The following ALDH1A3 variants were observed in gnomAD, a reference collection of about 807,000 sequenced individuals.
ALDH1A3 encodes the protein aldehyde dehydrogenase 1 family member A3.
In ALDH1A3, 28 loss-of-function variants were observed where a neutral mutation model predicts 57.5. The ratio of observed to expected loss-of-function variants is 0.49; its 90% CI spans 0.36 to 0.67. The LOEUF (loss-of-function observed/expected upper bound fraction) is 0.67. Ranked by LOEUF, ALDH1A3 falls within the 30% of genes least tolerant of loss-of-function variation. The pLI is 0.00. For synonymous variants in ALDH1A3, 281 were observed against 264.8 expected (o/e 1.06, Z -0.59); for missense variants, 507 against 669.4 (o/e 0.76, Z 2.68).
chr15:100,914,865 C>T lies in ALDH1A3; in HGVS notation c.*92C>T, dbSNP rs557115450. 466 of 1,182,646 alleles carry T rather than the reference C, an allele frequency of 3.9e-4. 2 individuals carry two copies. The African/African-American group carries it at 6.0e-3, about 15-fold the overall frequency. 73.3% of individuals were successfully genotyped at this position (1,182,646 alleles called of 1,614,324 possible). A position where few individuals can be genotyped will look rare whatever the true frequency, so the allele number is the denominator to read the frequency against. ...AAAAAAATGACATTTCTGACCTTCC[C>T]GGGACACATTCTTCTGGAGGCTTTA... On this transcript the variant is annotated 3_prime_UTR_variant, in exon 13 of 13. Coordinates refer to ENST00000329841, the MANE Select transcript of ALDH1A3 (RefSeq NM_000693.4).
chr15:100,900,892 CT>C, intron 9 of ALDH1A3, 133 bp downstream of exon 9: 1 of 985,926 alleles, frequency 1.0e-6, no homozygotes, highest in Non-Finnish European at 1.5e-6. Flanking sequence ...GCTTTCTTTT[CT>C]TTAGAAACTG....
intron 3 of ALDH1A3, among the ~76,000 whole-genome samples, chr15:100,890,299 TA>T (rs1257954962): frequency 6.6e-6 from 1 of 152,200 alleles, no homozygotes; most frequent in Non-Finnish European, 1.5e-5. Flanking sequence ...TTAAAGGAAA[TA>T]AACTTAGGAG....
chr15:100,906,298 G>GT lies in ALDH1A3; in HGVS notation c.1233+612dup, dbSNP rs1359789334. 5.9e-5 allele frequency among the ~76,000 whole-genome samples: 9 copies of GT among 152,352 alleles called. No homozygotes were observed. Among genetic ancestry groups the GT allele is most frequent in the African/African-American group, 2.2e-4 (9 of 41,578 alleles). ...GGGAACTGGTTCCCACACAGCATTTGTAAGAGGAGAGCTGGATCCCAGGAG... is the reference window on the plus strand; with the variant it reads ...GGGAACTGGTTCCCACACAGCATTTGTTAAGAGGAGAGCTGGATCCCAGGAG... On this transcript the variant is annotated intron_variant, in intron 10 of 12. Transcript: ENST00000329841. The surrounding 1 kb of genome is among the most constrained non-coding windows in gnomAD (Gnocchi z 4.8).
chr15:100,898,225 G>A, intron 8 of ALDH1A3, 40 bp downstream of exon 8: 3 of 1,553,662 alleles, frequency 1.9e-6, no homozygotes, highest in Non-Finnish European at 2.7e-6. Flanking sequence ...GGGCTTCAGG[G>A]CATCCATCTG....
Position 100,895,429 on chromosome 15 carries a change from G to A in ALDH1A3, c.667-504G>A, listed in dbSNP as rs180697949. ...CGCGCCACTACACTCTAGCCAGGGC[G>A]ACAGAGCAAGACTCCATCTCAAAAA... On this transcript the variant is annotated intron_variant, in intron 6 of 12. Coordinates refer to ENST00000329841, the MANE Select transcript of ALDH1A3 (RefSeq NM_000693.4). The A allele has an allele frequency of 4.8e-3, 730 of 151,582 alleles. 7 individuals carry two copies. Among genetic ancestry groups the A allele is most frequent in the African/African-American group, 0.015 (610 of 40,226 alleles). 9.4% of individuals were successfully genotyped at this position (151,582 alleles called of 1,614,324 possible).
chr15:100,906,446 C>T lies in ALDH1A3; in HGVS notation c.1234-675C>T, dbSNP rs2041823022. 6.6e-6 allele frequency among the ~76,000 whole-genome samples: 1 copy of T among 152,214 alleles called. No homozygotes were observed. The highest frequency in any genetic ancestry group is 2.4e-5 in the African/African-American group (1 of 41,452). ...TGTTATGTGCCGTGATGGCATGAAG[C>T]TCAGCTCCTTAAACATCCCTGTGAC... On this transcript the variant is annotated intron_variant, in intron 10 of 12. Coordinates refer to ENST00000329841, the MANE Select transcript of ALDH1A3 (RefSeq NM_000693.4). The surrounding 1 kb of genome is among the most constrained non-coding windows in gnomAD (Gnocchi z 4.8).
intron 7 of ALDH1A3, among the ~76,000 whole-genome samples, chr15:100,897,534 C>T (rs1383092419): frequency 6.6e-6 from 1 of 151,422 alleles, no homozygotes; most frequent in African/African-American, 2.4e-5. Flanking sequence ...GCGGCAGCCT[C>T]AGTCTTAGAG....
At chr15:100,905,041 A>C (rs369403752) in intron 9 of ALDH1A3, among the ~76,000 whole-genome samples, 1 of 152,366 alleles carries the variant, frequency 6.6e-6, no homozygotes. Context: ...AATTTCAGAT[A>C]AACAGTAAAT....
Position 100,900,637 on chromosome 15 carries a change from G to A in ALDH1A3, c.946G>A (p.Ala316Thr), listed in dbSNP as rs1294814835. 1 of 1,612,030 alleles carries A rather than the reference G, an allele frequency of 6.2e-7. No homozygotes were observed. The highest frequency in any genetic ancestry group is 1.7e-5 in the Admixed American group (1 of 59,732). The change falls in exon 9 of 13, where the codon GCA becomes ACA. Residue 316 changes from alanine (A) to threonine (T), a missense_variant. Physicochemically the swap from Ala to Thr is moderately conservative, Grantham distance 58 (BLOSUM62 0). This residue lies in a region of ALDH1A3 where 432 missense variants were observed against 608.4 expected (regional missense o/e 0.71). Transcript: ENST00000329841. ...CTTCAACCAAGGCCAGTGTTGCACGGCAGCCTCCAGGGTGTTCGTGGAGGA... is the reference window on the plus strand; with the variant it reads ...CTTCAACCAAGGCCAGTGTTGCACGACAGCCTCCAGGGTGTTCGTGGAGGA... ...VFFNQGQCCT[A>T]ASRVFVEEQV...
At position 100,892,980 on chromosome 15, in the gene ALDH1A3, A is replaced by AT. The variant is rs757457119; in HGVS notation, c.513dup (p.Gly172TrpfsTer95). Reference sequence around the variant, plus strand: ...CGTGTGCTTCACCAGGCATGAGCCCATTGGTGTCTGTGGGGCCATCACTCC... The same window carrying AT: ...CGTGTGCTTCACCAGGCATGAGCCCATTTGGTGTCTGTGGGGCCATCACTCC... On this transcript the variant is annotated frameshift_variant, in exon 5 of 13. Transcript: ENST00000329841. LOFTEE classifies it high-confidence loss of function. 1 of 1,614,068 alleles carries AT rather than the reference A, an allele frequency of 6.2e-7. No individual in the cohort carries two copies. The highest frequency in any genetic ancestry group is 8.5e-7 in the Non-Finnish European group (1 of 1,179,970).
In ALDH1A3 at chr15:100,893,916, T is replaced by G. The variant is rs771240832; in HGVS notation, c.538-38T>G. 6.2e-7 allele frequency: 1 copy of G among 1,607,676 alleles called. No homozygotes were observed. The highest frequency in any genetic ancestry group is 1.3e-5 in the African/African-American group (1 of 74,802). ...GAGCACATGGGACAGGGTAAGAGGG[T>G]GGATCTGGGCCTCCAAAGCCCCTGT... On this transcript the variant is annotated intron_variant, in intron 5 of 12. Transcript: ENST00000329841. The surrounding 1 kb of genome is among the most constrained non-coding windows in gnomAD (Gnocchi z 4.8).
intron 10 of ALDH1A3, among the ~76,000 whole-genome samples, chr15:100,905,909 G>A (rs569679764): frequency 6.6e-6 from 1 of 152,140 alleles, no homozygotes; most frequent in East Asian, 1.9e-4. Context: ...GCATGATACA[G>A]CAGGTACCTT....
Position 100,914,908 on chromosome 15 carries a change from T to C in ALDH1A3, c.*135T>C. 1 of 775,234 alleles carries C rather than the reference T, an allele frequency of 1.3e-6. No individual in the cohort carries two copies. Among genetic ancestry groups the C allele is most frequent in the Non-Finnish European group, 2.1e-6 (1 of 484,070 alleles). 48.0% of individuals were successfully genotyped at this position (775,234 alleles called of 1,614,324 possible). ...AGGCTTTACATCTACTGGAGTTGAA[T>C]GATTGCTGTTTTCCTCTCACTCTCC... On this transcript the variant is annotated 3_prime_UTR_variant, in exon 13 of 13. Transcript: ENST00000329841.
At chr15:100,895,683 G>C (rs964897065) in intron 6 of ALDH1A3, 11 of 549,646 alleles carry the variant, frequency 2.0e-5, no homozygotes, top group Non-Finnish European at 3.6e-5. Flanking sequence ...TTGGGATGGG[G>C]TCCCCCCCCA....
At chr15:100,881,920 A>G (rs2041551191) in intron 1 of ALDH1A3, among the ~76,000 whole-genome samples, 2 of 152,210 alleles carry the variant, frequency 1.3e-5, no homozygotes, top group Non-Finnish European at 2.9e-5. Context: ...AGGGTGGCCA[A>G]CCAGTGCCCT....
chr15:100,883,096 TC>T (rs2041561786), intron 1 of ALDH1A3, among the ~76,000 whole-genome samples: 1 of 152,184 alleles, frequency 6.6e-6, no homozygotes, highest in African/African-American at 2.4e-5. Context: ...ATAGCAGACA[TC>T]CGATCATTGT....
In ALDH1A3 at chr15:100,889,528, C is replaced by T. The variant is rs1208097960; in HGVS notation, c.345+1816C>T. On this transcript the variant is annotated intron_variant, in intron 3 of 12. Coordinates refer to ENST00000329841, the MANE Select transcript of ALDH1A3 (RefSeq NM_000693.4). The surrounding 1 kb of genome is among the most constrained non-coding windows in gnomAD (Gnocchi z 5.1). The stretch of plus-strand genomic sequence containing the variant: ...CAGCGTCAACCCTCAAGCTGCCAAA[C>T]TGGCTTTTTCAAAAACATTTCTGTT... Among the ~76,000 whole-genome samples the T allele has an allele frequency of 1.3e-5, 2 of 152,220 alleles. No homozygotes were observed. Among genetic ancestry groups the T allele is most frequent in the Admixed American group, 6.5e-5 (1 of 15,288 alleles).
chr15:100,903,247 A>G (rs1298134388), intron 9 of ALDH1A3, among the ~76,000 whole-genome samples: 1 of 147,282 alleles, frequency 6.8e-6, no homozygotes, highest in Admixed American at 7.1e-5. Context: ...TTTCGTGTGC[A>G]TGCAAGCAGA....
chr15:100,900,742 A>C lies in ALDH1A3; in HGVS notation c.1051A>C (p.Thr351Pro). The change falls in exon 9 of 13, where the codon ACA becomes CCA. Residue 351 changes from threonine (T) to proline (P), a missense_variant. Thr to Pro is a conservative substitution (Grantham distance 38). This residue lies in a region of ALDH1A3 where 432 missense variants were observed against 608.4 expected (regional missense o/e 0.71). Transcript: ENST00000329841. Reference protein sequence around the residue: ...RPVGDPFDVKTEQGPQIDQKQ... With the variant: ...RPVGDPFDVKPEQGPQIDQKQ... ...CGTGGGAGACCCCTTCGATGTCAAA[A>C]CAGAACAGGGGCCTCAGGTAATCCC... 1 of 1,614,016 alleles carries C rather than the reference A, an allele frequency of 6.2e-7. No individual in the cohort carries two copies. Among genetic ancestry groups the C allele is most frequent in the Non-Finnish European group, 8.5e-7 (1 of 1,179,990 alleles).
Sources: gnomAD v4.1 joint callset for allele counts (sites outside exome capture counted in the v4.1 genomes callset) on GRCh38, gnomAD v4.1.1 for gene constraint, gnomAD v4.1.1 regional missense constraint, Gnocchi (gnomAD v3.1) non-coding constraint, MANE v1.5 for transcripts, NCBI Gene and HGNC (gene_info 2026-07-23, HGNC 2026-07-21) for gene names.